The following FOXK2 variants were observed in gnomAD, a reference collection of about 807,000 sequenced individuals.
The protein encoded by FOXK2 is forkhead box K2, also known as forkhead box protein K2.
A neutral mutation model predicts 53.3 loss-of-function variants in FOXK2; 24 were observed. The ratio of observed to expected loss-of-function variants is 0.45; its 90% CI spans 0.33 to 0.63. FOXK2 has a LOEUF of 0.63. Among genes scored for constraint, FOXK2 ranks in the 30% least tolerant of loss-of-function variants. The pLI, the probability that FOXK2 is intolerant of heterozygous loss-of-function variation, is 0.03. For missense variants in FOXK2, 952 were observed against 910.5 expected, an observed-to-expected ratio of 1.05 and a Z score of -0.59; for synonymous variants, 505 against 407.1, an observed-to-expected ratio of 1.24 and a Z score of -2.89.
At chr17:82,596,313 C>A in intron 8 of FOXK2, 2 of 652,358 alleles carry the variant, frequency 3.1e-6, no homozygotes, top group Non-Finnish European at 3.8e-6. Flanking sequence ...TTCTTGGTGG[C>A]TGCTTGTTCC....
At position 82,584,099 on chromosome 17, in the gene FOXK2, G is replaced by C; in HGVS notation, c.1190G>C (p.Gly397Ala). Reference protein sequence around the residue: ...AQTPESLSREGSPAPLEPEPG... With the variant: ...AQTPESLSREASPAPLEPEPG... ...ACCCCTGAGAGCCTGTCGAGGGAAGGTTCGCCGGCCCCCCTGGAGCCTGAG... is the reference window on the plus strand; with the variant it reads ...ACCCCTGAGAGCCTGTCGAGGGAAGCTTCGCCGGCCCCCCTGGAGCCTGAG... The change falls in exon 6 of 9, where the codon GGT becomes GCT. Residue 397 changes from glycine (G) to alanine (A), a missense_variant. By Grantham distance (60) the Gly-to-Ala change is moderately conservative. Around this residue, in one of 5 missense-constraint regions of FOXK2, gnomAD observed 551 missense variants for 385.1 expected, o/e 1.43. Transcript: ENST00000335255. 6.2e-7 allele frequency: 1 copy of C among 1,611,512 alleles called. No individual in the cohort carries two copies. Among genetic ancestry groups the C allele is most frequent in the Non-Finnish European group, 8.5e-7 (1 of 1,179,874 alleles).
intron 1 of FOXK2, among the ~76,000 whole-genome samples, chr17:82,562,885 A>C (rs1437963089): frequency 6.6e-6 from 1 of 151,346 alleles, no homozygotes; most frequent in Non-Finnish European, 1.5e-5. Context: ...AGCTCACTGC[A>C]GCCTCGACCT....
intron 4 of FOXK2, among the ~76,000 whole-genome samples, chr17:82,573,536 ACTCTCT>A (rs373747209): frequency 0.012 from 1,732 of 138,868 alleles, 34 homozygotes; most frequent in African/African-American, 0.043. Flanking sequence ...ACACACACAC[ACTCTCT>A]CTCTCTCTCT....
intron 8 of FOXK2, chr17:82,599,016 C>T (rs1379445515): frequency 6.6e-6 from 1 of 152,214 alleles, no homozygotes; most frequent in Non-Finnish European, 1.5e-5. Context: ...TCTCCCCTGC[C>T]CTCTCGTTGG....
intron 1 of FOXK2, among the ~76,000 whole-genome samples, chr17:82,520,865 A>G (rs1237025553): frequency 6.6e-6 from 1 of 152,200 alleles, no homozygotes; most frequent in East Asian, 1.9e-4. Flanking sequence ...AGACGCTTCA[A>G]GCATGATGGA....
chr17:82,575,745 C>T (rs551932667), intron 4 of FOXK2, among the ~76,000 whole-genome samples: 1 of 152,282 alleles, frequency 6.6e-6, no homozygotes, highest in South Asian at 2.1e-4. Context: ...TCTGAAATCT[C>T]AAGCTGGGCT....
intron 8 of FOXK2, among the ~76,000 whole-genome samples, chr17:82,597,721 G>A (rs1256916821): frequency 6.6e-6 from 1 of 152,076 alleles, no homozygotes; most frequent in Admixed American, 6.5e-5. Context: ...CATGACCTTG[G>A]CTTACTGCAA....
At chr17:82,593,670 G>C (rs556603447) in intron 8 of FOXK2, 1 of 152,478 alleles carries the variant, frequency 6.6e-6, no homozygotes, top group South Asian at 2.1e-4. Flanking sequence ...GGGGAGCCGG[G>C]CTGAGGCTGC....
intron 1 of FOXK2, 104 bp from the exon 2 acceptor site, chr17:82,563,250 C>A: frequency 9.5e-7 from 1 of 1,051,046 alleles, no homozygotes; most frequent in Non-Finnish European, 1.4e-6. Flanking sequence ...GGAAGTGTTG[C>A]ATCCATGTTC....
Position 82,586,050 on chromosome 17 carries a change from C to A in FOXK2, c.1426C>A (p.Gln476Lys). The A allele has an allele frequency of 6.2e-7, 1 of 1,612,826 alleles. No individual in the cohort carries two copies. The highest frequency in any genetic ancestry group is 8.5e-7 in the Non-Finnish European group (1 of 1,179,994). ...PVVQTVHVVHQIPAVSVTSVA... is the reference protein window; with the variant it reads ...PVVQTVHVVHKIPAVSVTSVA... ...CGTGCAGACGGTTCACGTCGTCCAC[C>A]AGATCCCAGCGGTGTCGGTCACCAG... Residue 476 changes from glutamine to lysine, a missense_variant, in exon 7 of 9, where the codon CAG becomes AAG. By Grantham distance (53) the Gln-to-Lys change is moderately conservative. This residue lies in a region of FOXK2 where 551 missense variants were observed against 385.1 expected (regional missense o/e 1.43). Transcript: ENST00000335255.
chr17:82,587,829 C>CG (rs1000428233), intron 8 of FOXK2, among the ~76,000 whole-genome samples: 9 of 152,162 alleles, frequency 5.9e-5, no homozygotes, highest in African/African-American at 2.2e-4. Flanking sequence ...TGCTGGCTGC[C>CG]GAGTCAACTC....
intron 6 of FOXK2, among the ~76,000 whole-genome samples, chr17:82,584,945 C>G (rs1377296475): frequency 6.6e-6 from 1 of 152,250 alleles, no homozygotes; most frequent in Non-Finnish European, 1.5e-5. Context: ...ATTAAACAAA[C>G]AAACATAGTG....
intron 1 of FOXK2, among the ~76,000 whole-genome samples, chr17:82,558,302 C>A (rs1599897662): frequency 6.6e-6 from 1 of 152,306 alleles, no homozygotes; most frequent in East Asian, 1.9e-4. Context: ...TGCGTTGCTG[C>A]ACTCCAACCT....
chr17:82,581,798 C>T (rs1392322519), intron 4 of FOXK2, among the ~76,000 whole-genome samples: 4 of 151,958 alleles, frequency 2.6e-5, no homozygotes, highest in African/African-American at 9.7e-5. Context: ...TCAGTAGAGA[C>T]GGGGTTTCAC....
chr17:82,550,149 C>T (rs1037153848), intron 1 of FOXK2, among the ~76,000 whole-genome samples: 3 of 152,162 alleles, frequency 2.0e-5, no homozygotes, highest in African/African-American at 7.2e-5. Context: ...CATGATTGTG[C>T]CACTGCCTTC....
intron 4 of FOXK2, among the ~76,000 whole-genome samples, chr17:82,573,560 TCTCACACACACACACACACA>T (rs2044946676): frequency 2.4e-4 from 24 of 101,886 alleles, no homozygotes; most frequent in Non-Finnish European, 3.9e-4. Context: ...TCTCTCTCTC[TCTCACACACACACACACACA>T]CACACACACA....
intron 4 of FOXK2, among the ~76,000 whole-genome samples, 188 bp from the exon 5 acceptor site, chr17:82,582,553 G>A (rs2045076673): frequency 6.6e-6 from 1 of 152,022 alleles, no homozygotes; most frequent in African/African-American, 2.4e-5. Flanking sequence ...CCATAGGATG[G>A]GCCTTCCTTA....
At chr17:82,520,516 G>T (rs1376916364) in intron 1 of FOXK2, among the ~76,000 whole-genome samples, 1 of 147,734 alleles carries the variant, frequency 6.8e-6, no homozygotes, top group Non-Finnish European at 1.5e-5. Flanking sequence ...CCCCTTCCTG[G>T]CAGGTGCAGC....
In FOXK2 at chr17:82,583,898, C is replaced by T. The variant is rs899295745; in HGVS notation, c.1104-115C>T. ...GAGACGTAGAACTTACACAACAGTA[C>T]TTGGTTGTCAGGAGACAAATGACAC... On this transcript the variant is annotated intron_variant, in intron 5 of 8. Coordinates refer to ENST00000335255, the MANE Select transcript of FOXK2 (RefSeq NM_004514.4). 2.8e-6 allele frequency: 3 copies of T among 1,081,822 alleles called. No individual in the cohort carries two copies. In the African/African-American group the frequency reaches 4.7e-5, roughly 17 times the overall value. The allele number at this position is 1,081,822 out of a possible 1,614,324, so 67.0% of individuals were successfully genotyped here.
Sources: allele counts gnomAD v4.1 joint callset (sites outside exome capture counted in the v4.1 genomes callset), GRCh38; gene constraint gnomAD v4.1.1; regional missense constraint gnomAD v4.1.1; transcripts MANE v1.5; gene names NCBI Gene and HGNC (gene_info 2026-07-23, HGNC 2026-07-21).